PITPNM2: variants seen among roughly 807,000 people sequenced by gnomAD.
The protein encoded by PITPNM2 is membrane-associated phosphatidylinositol transfer protein 2.
In PITPNM2, 35 loss-of-function variants were observed where a neutral mutation model predicts 132.2. The observed-to-expected ratio is 0.26, with a 90% CI of 0.20 to 0.35. The LOEUF (loss-of-function observed/expected upper bound fraction) is 0.35. PITPNM2 is among the 10% of genes least tolerant of loss of function. The pLI is 1.00. For missense variants in PITPNM2, 1,332 were observed against 1,912.0 expected (o/e 0.70, Z 5.66); for synonymous variants, 738 against 799.2 (o/e 0.92, Z 1.29).
intron 1 of PITPNM2, among the ~76,000 whole-genome samples, chr12:123,126,834 G>T (rs901514455): frequency 6.6e-6 from 1 of 152,206 alleles, no homozygotes; most frequent in Non-Finnish European, 1.5e-5. Context: ...CTTTGAGAAA[G>T]ATCAGGATAA....
intron 2 of PITPNM2, among the ~76,000 whole-genome samples, chr12:123,107,210 A>C (rs939826584): frequency 2.5e-4 from 38 of 152,148 alleles, no homozygotes; most frequent in African/African-American, 9.2e-4. Context: ...TCCCTGCCTG[A>C]GCCACGGGGA....
intron 2 of PITPNM2, among the ~76,000 whole-genome samples, chr12:123,101,865 CCAGGCA>C (rs1425453201): frequency 6.6e-6 from 1 of 152,084 alleles, no homozygotes; most frequent in Non-Finnish European, 1.5e-5. Flanking sequence ...TGAGACCAGC[CCAGGCA>C]ACATAGCGAG....
At chr12:122,995,776 C>T (rs74954864) in intron 13 of PITPNM2, 116 bp from the exon 14 acceptor site, 55,985 of 1,371,098 alleles carry the variant, frequency 0.041, 1,495 homozygotes, top group East Asian at 0.17. Context: ...ACTGTCCAGC[C>T]GGCCTCTTGC....
chr12:123,128,845 G>C (rs373451467), intron 1 of PITPNM2, among the ~76,000 whole-genome samples: 2 of 151,736 alleles, frequency 1.3e-5, no homozygotes, highest in Admixed American at 6.6e-5. Flanking sequence ...ACGTTTTTAA[G>C]ATTAATGAGG....
intron 2 of PITPNM2, among the ~76,000 whole-genome samples, chr12:123,104,939 C>T (rs1055307965): frequency 2.6e-5 from 4 of 152,094 alleles, no homozygotes; most frequent in Admixed American, 6.5e-5. Context: ...CAAACATTTC[C>T]GAAGCTTCAG....
chr12:123,059,845 G>C (rs2041173851), intron 2 of PITPNM2, among the ~76,000 whole-genome samples: 1 of 152,138 alleles, frequency 6.6e-6, no homozygotes, highest in Non-Finnish European at 1.5e-5. Context: ...GCTTAAAAGG[G>C]ACAGGGGTTC....
chr12:123,098,868 C>G (rs576229531), intron 2 of PITPNM2, among the ~76,000 whole-genome samples: 1 of 152,304 alleles, frequency 6.6e-6, no homozygotes, highest in East Asian at 1.9e-4. Flanking sequence ...GAACCTGAAA[C>G]TTCTCAGCAC....
intron 2 of PITPNM2, chr12:123,092,904 G>A (rs1156385270): frequency 6.6e-6 from 1 of 152,200 alleles, no homozygotes; most frequent in Non-Finnish European, 1.5e-5. Context: ...AGTCACTTCT[G>A]TATTGTCCTC....
At position 123,009,754 on chromosome 12, in the gene PITPNM2, G is replaced by T; in HGVS notation, c.643+96C>A. Reference sequence around the variant, plus strand: ...AACAAAACAGAAACGCAGACTCCCAGGCAGACATGCAAAGAGAGGAGGCAG... The same window carrying T: ...AACAAAACAGAAACGCAGACTCCCATGCAGACATGCAAAGAGAGGAGGCAG... On this transcript the variant is annotated intron_variant, in intron 6 of 25. Coordinates refer to ENST00000320201, the MANE Select transcript of PITPNM2 (RefSeq NM_020845.3). This position sits in a 1 kb window ranked among gnomAD's most constrained non-coding sequence, Gnocchi z 4.8. The T allele has an allele frequency of 8.3e-7, 1 of 1,198,792 alleles. No homozygotes were observed. The highest frequency in any genetic ancestry group is 1.2e-6 in the Non-Finnish European group (1 of 817,906). The allele number at this position is 1,198,792 out of a possible 1,614,324, so 74.3% of individuals were successfully genotyped here. A position where few individuals can be genotyped will look rare whatever the true frequency, so the allele number is the denominator to read the frequency against.
intron 3 of PITPNM2, 54 bp downstream of exon 3, chr12:123,034,459 T>G (rs942634606): frequency 1.3e-6 from 2 of 1,535,568 alleles, no homozygotes; most frequent in Admixed American, 1.7e-5. Context: ...GTGGTGTCTG[T>G]GCGCTGGCGC....
At chr12:123,151,552 C>G (rs192580719), upstream of PITPNM2, among the ~76,000 whole-genome samples, 1 of 152,176 alleles carries the variant, frequency 6.6e-6, no homozygotes, top group Non-Finnish European at 1.5e-5. Flanking sequence ...GCTCGCCACA[C>G]GGTGGGTCCG....
In PITPNM2 at chr12:122,987,558, C is replaced by T. The variant is rs2037990263; in HGVS notation, c.3216G>A (p.Glu1072=). 4 of 1,613,908 alleles carry T rather than the reference C, an allele frequency of 2.5e-6. No individual in the cohort carries two copies. Among genetic ancestry groups the T allele is most frequent in the Non-Finnish European group, 3.4e-6 (4 of 1,179,976 alleles). The change falls in exon 22 of 26, where the codon GAG becomes GAA. Residue 1072 remains glutamate, a synonymous_variant. Transcript: ENST00000320201. The part of the protein sequence containing the change: ...NSGRVSYTIP[E]SHRLGVGVYP... ...AGACACCCACGCCCAGGCGGTGCGA[C>T]TCAGGGATGGTGTAGGAGACACGCC...
At chr12:123,126,694 C>T (rs1281116948) in intron 1 of PITPNM2, among the ~76,000 whole-genome samples, 3 of 152,104 alleles carry the variant, frequency 2.0e-5, no homozygotes, top group Non-Finnish European at 4.4e-5. Context: ...CCTCCGAGAA[C>T]AGCCTGATTC....
chr12:123,024,279 G>A (rs2039775975), intron 3 of PITPNM2, among the ~76,000 whole-genome samples: 1 of 152,212 alleles, frequency 6.6e-6, no homozygotes, highest in Non-Finnish European at 1.5e-5. Flanking sequence ...AGCAGCAAGT[G>A]TTGTTCAGGG....
rs75338281 is a variant in PITPNM2, at chr12:123,022,937, G to A, written c.79-8895C>T. ...CTCCACCCAAACCTCCCTCCCCAGA[G>A]CCCCGCTGGGACCAAGCAAGGCGGG... is the stretch of plus-strand genomic sequence containing the variant. On this transcript the variant is annotated intron_variant, in intron 3 of 25. Coordinates refer to ENST00000320201, the MANE Select transcript of PITPNM2 (RefSeq NM_020845.3). The surrounding 1 kb of genome is among the most constrained non-coding windows in gnomAD (Gnocchi z 4.9). Among the ~76,000 whole-genome samples the A allele has an allele frequency of 0.032, 4,934 of 152,304 alleles. 149 individuals are homozygous for A. Among genetic ancestry groups the A allele is most frequent in the East Asian group, 0.17 (876 of 5,172 alleles).
Position 123,001,059 on chromosome 12 carries a change from G to A in PITPNM2, c.1148C>T (p.Thr383Ile), listed in dbSNP as rs764778414. The A allele has an allele frequency of 6.2e-7, 1 of 1,613,938 alleles. No homozygotes were observed. Among genetic ancestry groups the A allele is most frequent in the Non-Finnish European group, 8.5e-7 (1 of 1,179,788 alleles). The change falls in exon 9 of 26, where the codon ACA becomes ATA. Residue 383 changes from threonine (T) to isoleucine (I), a missense_variant. Around this residue, in one of 6 missense-constraint regions of PITPNM2, gnomAD observed 710 missense variants for 911.5 expected, o/e 0.78. Transcript: ENST00000320201. The stretch of plus-strand genomic sequence containing the variant: ...GCACCCCCAGACCTGCTGACCTTGT[G>A]TGTCTTCCGGCTCTGGGCTCTCGAT... ...DKIESPEPED[T>I]QDGLYRQGAP... is the part of the protein sequence containing the mutation.
intron 2 of PITPNM2, among the ~76,000 whole-genome samples, chr12:123,035,755 A>T (rs1004425864): frequency 6.6e-6 from 1 of 152,194 alleles, no homozygotes; most frequent in African/African-American, 2.4e-5. Context: ...CAAGCCCCAG[A>T]TGGCTGAAGC....
At position 123,009,049 on chromosome 12, in the gene PITPNM2, T is replaced by C. The variant is rs2039058398; in HGVS notation, c.643+801A>G. 6.6e-6 allele frequency among the ~76,000 whole-genome samples: 1 copy of C among 152,194 alleles called. No individual in the cohort carries two copies. Among genetic ancestry groups the C allele is most frequent in the Non-Finnish European group, 1.5e-5 (1 of 68,022 alleles). ...TCCTCCTGCATAAGTGGAGTGACAA[T>C]GCCTACCCTCATGGGTTATCGTAAG... On this transcript the variant is annotated intron_variant, in intron 6 of 25. Transcript: ENST00000320201. The surrounding 1 kb of genome is among the most constrained non-coding windows in gnomAD (Gnocchi z 4.8).
At chr12:123,032,065 G>A (rs1161000036) in intron 3 of PITPNM2, among the ~76,000 whole-genome samples, 1 of 152,256 alleles carries the variant, frequency 6.6e-6, no homozygotes, top group African/African-American at 2.4e-5. Flanking sequence ...GACACTGCAT[G>A]TGTCGGCTAG....
Sources: gnomAD v4.1 joint callset for allele counts (sites outside exome capture counted in the v4.1 genomes callset) on GRCh38, gnomAD v4.1.1 for gene constraint, gnomAD v4.1.1 regional missense constraint, Gnocchi (gnomAD v3.1) non-coding constraint, MANE v1.5 for transcripts, NCBI Gene and HGNC (gene_info 2026-07-23, HGNC 2026-07-21) for gene names.